The following CCDC82 variants were observed in gnomAD, a reference collection of about 807,000 sequenced individuals.
CCDC82 encodes coiled-coil domain-containing protein 82.
In CCDC82, 47 loss-of-function variants were observed where a neutral mutation model predicts 60.6. The observed-to-expected ratio is 0.77, with a 90% CI of 0.61 to 0.99. CCDC82 has a LOEUF of 0.99. Among genes scored for constraint, CCDC82 ranks in the 50% least tolerant of loss-of-function variants. The pLI, the probability that CCDC82 is intolerant of heterozygous loss-of-function variation, is 0.00. For missense variants in CCDC82, 588 were observed against 633.0 expected, an observed-to-expected ratio of 0.93 and a Z score of 0.76; for synonymous variants, 212 against 207.4, an observed-to-expected ratio of 1.02 and a Z score of -0.19.
At position 96,384,191 on chromosome 11, in the gene CCDC82, G is replaced by A. The variant is rs1259445269; in HGVS notation, c.557C>T (p.Ser186Phe). 6.2e-7 allele frequency: 1 copy of A among 1,613,820 alleles called. No homozygotes were observed. Among genetic ancestry groups the A allele is most frequent in the Non-Finnish European group, 8.5e-7 (1 of 1,179,862 alleles). Residue 186 changes from serine (S) to phenylalanine (F), a missense_variant, in exon 4 of 10, where the codon TCC becomes TTC. Physicochemically the swap from Ser to Phe is radical, Grantham distance 155. Transcript: ENST00000646818. ...CTCATCACTGTCACACATCACAGAG[G>A]ATAGCCTTTTTCTTTTTCCTCGCTT... ...DIKRGKRKRL[S>F]SVMCDSDESD...
chr11:96,371,006 T>C lies in CCDC82; in HGVS notation c.1209+7A>G, dbSNP rs775148310. 7 of 1,562,356 alleles carry C rather than the reference T, an allele frequency of 4.5e-6. No individual in the cohort carries two copies. Among genetic ancestry groups the C allele is most frequent in the African/African-American group, 2.8e-5 (2 of 72,318 alleles). On this transcript the variant is annotated splice_region_variant and intron_variant, in intron 7 of 9. Transcript: ENST00000646818. ...CCCAAGCAGAGATTCAAAAACAAAC[T>C]GTGTACCTTATATTGCTCTTTCCAA...
At chr11:96,367,477 A>C (rs1200458597) in intron 7 of CCDC82, among the ~76,000 whole-genome samples, 1 of 152,194 alleles carries the variant, frequency 6.6e-6, no homozygotes, top group Non-Finnish European at 1.5e-5. Context: ...CTTATCCGTA[A>C]GAAGCAACTC....
chr11:96,364,891 T>C, intron 8 of CCDC82, 89 bp downstream of exon 8: 1 of 1,243,504 alleles, frequency 8.0e-7, no homozygotes, highest in Non-Finnish European at 1.1e-6. Flanking sequence ...TGTTTCCACT[T>C]GGGTCAAATT....
chr11:96,384,541 A>G lies in CCDC82; in HGVS notation c.207T>C (p.Ser69=). 1 of 1,613,602 alleles carries G rather than the reference A, an allele frequency of 6.2e-7. No homozygotes were observed. The highest frequency in any genetic ancestry group is 8.5e-7 in the Non-Finnish European group (1 of 1,179,730). The part of the protein sequence containing the change: ...ESFENDEELD[S]NKGPDCNKTP... ...TTTTATTACAATCAGGTCCCTTGTT[A>G]CTATCAAGCTCTTCATCATTTTCAA... The change falls in exon 4 of 10, where the codon AGT becomes AGC. Residue 69 remains serine (S), a synonymous_variant. Coordinates refer to ENST00000646818, the MANE Select transcript of CCDC82 (RefSeq NM_024725.4).
At chr11:96,375,344 G>A (rs1425396198) in intron 5 of CCDC82, among the ~76,000 whole-genome samples, 1 of 152,150 alleles carries the variant, frequency 6.6e-6, no homozygotes, top group Non-Finnish European at 1.5e-5. Flanking sequence ...AAAGGGCAGA[G>A]ATCAAAATCA....
intron 9 of CCDC82, chr11:96,355,529 G>A (rs1009341058): frequency 6.6e-6 from 1 of 152,164 alleles, no homozygotes; most frequent in Non-Finnish European, 1.5e-5. Flanking sequence ...TATTATTACT[G>A]TTTTTGTTCC....
chr11:96,358,605 G>A (rs17243689), intron 9 of CCDC82: 33,336 of 1,234,660 alleles, frequency 0.027, 524 homozygotes, highest in Non-Finnish European at 0.03. Context: ...TCACTCTCAG[G>A]TCACAAGAAC....
chr11:96,378,184 C>T (rs1865689198), intron 5 of CCDC82, among the ~76,000 whole-genome samples: 1 of 152,006 alleles, frequency 6.6e-6, no homozygotes, highest in Admixed American at 6.6e-5. Flanking sequence ...GTTAATTCTG[C>T]TATCTACTGC....
rs896244262 is a variant in CCDC82 at position 96,356,734 on chromosome 11, C to G, written c.1566+2259G>C. 1.8e-5 allele frequency: 18 copies of G among 976,880 alleles called. No homozygotes were observed. In the African/African-American group the frequency reaches 2.8e-4, roughly 15 times the overall value. The allele number at this position is 976,880 out of a possible 1,614,324, so 60.5% of individuals were successfully genotyped here. A position where few individuals can be genotyped will look rare whatever the true frequency, so the allele number is the denominator to read the frequency against. On this transcript the variant is annotated intron_variant, in intron 9 of 9. Coordinates refer to ENST00000646818, the MANE Select transcript of CCDC82 (RefSeq NM_024725.4). ...AGTTGCTCCTACACCCCTTTAGTAT[C>G]ATTACATTAAAAACGGATCACCCTA...
At chr11:96,377,186 T>C (rs1361777492) in intron 5 of CCDC82, among the ~76,000 whole-genome samples, 1 of 152,238 alleles carries the variant, frequency 6.6e-6, no homozygotes, top group Non-Finnish European at 1.5e-5. Context: ...TTTCTTTTTC[T>C]ACTTTAACAT....
intron 5 of CCDC82, among the ~76,000 whole-genome samples, chr11:96,378,617 T>C (rs1321981327): frequency 1.3e-5 from 2 of 151,964 alleles, no homozygotes; most frequent in Non-Finnish European, 2.9e-5. Flanking sequence ...CGAAATGTAT[T>C]CTACTCTTAT....
In CCDC82 at chr11:96,353,122, G is replaced by C. The variant is rs1357978491; in HGVS notation, c.*524C>G. On this transcript the variant is annotated 3_prime_UTR_variant, in exon 10 of 10. Transcript: ENST00000646818. ...AAGGAAAAAAGCATTCCTCTACTTAGAATAGATATGCTATGATCTGATTCT... is the reference window on the plus strand; with the variant it reads ...AAGGAAAAAAGCATTCCTCTACTTACAATAGATATGCTATGATCTGATTCT... 2 of 152,260 alleles carry C rather than the reference G, an allele frequency of 1.3e-5. No individual in the cohort carries two copies. The highest frequency in any genetic ancestry group is 1.5e-5 in the Non-Finnish European group (1 of 68,134). The allele number at this position is 152,260 out of a possible 1,614,324, so 9.4% of individuals were successfully genotyped here. A position where few individuals can be genotyped will look rare whatever the true frequency, so the allele number is the denominator to read the frequency against.
intron 4 of CCDC82, among the ~76,000 whole-genome samples, chr11:96,383,747 T>C (rs1021251402): frequency 1.3e-5 from 2 of 151,900 alleles, no homozygotes; most frequent in African/African-American, 4.8e-5. Flanking sequence ...AAATAACAAA[T>C]AGTCTTTCAA....
chr11:96,357,427 CTTGAA>C, intron 9 of CCDC82: 6 of 985,208 alleles, frequency 6.1e-6, no homozygotes, highest in Non-Finnish European at 7.2e-6. Context: ...ACTTGGCTTT[CTTGAA>C]AAGAAAGCCT....
intron 6 of CCDC82, 82 bp from the exon 7 acceptor site, chr11:96,371,219 C>A: frequency 1.1e-6 from 1 of 950,040 alleles, no homozygotes. Flanking sequence ...AATTTCTTCC[C>A]AACTTGGTTG....
intron 5 of CCDC82, among the ~76,000 whole-genome samples, chr11:96,375,534 T>G (rs374283170): frequency 6.6e-6 from 1 of 152,208 alleles, no homozygotes; most frequent in South Asian, 2.1e-4. Context: ...GCAAAATATA[T>G]GCCAGGCATC....
In CCDC82 at chr11:96,373,455, T is replaced by A; in HGVS notation, c.1004A>T (p.Asp335Val). ...AACTCTTTCAAAATGAGTATAGTGG[T>A]CACTAAAAGAATCTGAAATTAATTT... ...VKQNSLYSFS[D>V]HYTHFERVVK... The change falls in exon 6 of 10, where the codon GAC becomes GTC. Residue 335 changes from aspartate to valine, a missense_variant. By Grantham distance (152) the Asp-to-Val change is radical. Transcript: ENST00000646818. 1 of 1,589,080 alleles carries A rather than the reference T, an allele frequency of 6.3e-7. No homozygotes were observed. The highest frequency in any genetic ancestry group is 8.6e-7 in the Non-Finnish European group (1 of 1,163,438).
rs753923850 is a variant in CCDC82 at position 96,373,394 on chromosome 11, AGATTCATC to A, written c.1057_1064del (p.Asp353PhefsTer7). On this transcript the variant is annotated frameshift_variant, in exon 6 of 10. Coordinates refer to ENST00000646818, the MANE Select transcript of CCDC82 (RefSeq NM_024725.4). LOFTEE classifies it high-confidence loss of function. Reference sequence around the variant, plus strand: ...ACTTACCATATAATGTTCCCAGAAAAGATTCATCTAAAGCGTTGATCAGAAGAGCCTTC... The same window carrying A: ...ACTTACCATATAATGTTCCCAGAAAATAAAGCGTTGATCAGAAGAGCCTTC... The A allele has an allele frequency of 6.2e-7, 1 of 1,604,492 alleles. No individual in the cohort carries two copies. Among genetic ancestry groups the A allele is most frequent in the Admixed American group, 1.7e-5 (1 of 59,128 alleles).
chr11:96,380,745 T>G (rs1448499062), intron 5 of CCDC82: 1 of 151,826 alleles, frequency 6.6e-6, no homozygotes, highest in African/African-American at 2.4e-5. Context: ...AAAAGTTATA[T>G]GCTGTGTGAT....
Sources: allele counts gnomAD v4.1 joint callset (sites outside exome capture counted in the v4.1 genomes callset), GRCh38; gene constraint gnomAD v4.1.1; transcripts MANE v1.5; gene names NCBI Gene and HGNC (gene_info 2026-07-23, HGNC 2026-07-21).